ZFHX4: variants seen among roughly 807,000 people sequenced by gnomAD.
ZFHX4 encodes zinc finger homeobox protein 4.
In ZFHX4, 56 loss-of-function variants were observed where a neutral mutation model predicts 267.6. The ratio of observed to expected loss-of-function variants is 0.21; its 90% confidence interval spans 0.17 to 0.26. The LOEUF is 0.26. Among genes scored for constraint, ZFHX4 ranks in the 10% least tolerant of loss-of-function variants. The probability of loss-of-function intolerance (pLI) is 1.00; values close to 1 mark genes in which losing one functional copy is unlikely to be tolerated. For missense variants in ZFHX4, 4,332 were observed against 4,420.0 expected, an observed-to-expected ratio of 0.98 and a Z score of 0.56; for synonymous variants, 1,778 against 1,665.6, an observed-to-expected ratio of 1.07 and a Z score of -1.64.
chr8:76,861,722 T>A (rs1812871972), intron 10 of ZFHX4, among the ~76,000 whole-genome samples: 1 of 152,056 alleles, frequency 6.6e-6, no homozygotes, highest in Admixed American at 6.6e-5. Context: ...TTTTTTATTA[T>A]TTCTTAGCTA....
intron 5 of ZFHX4, among the ~76,000 whole-genome samples, chr8:76,835,491 T>G (rs1310310986): frequency 6.6e-6 from 1 of 151,684 alleles, no homozygotes; most frequent in Non-Finnish European, 1.5e-5. Flanking sequence ...AATGGTATAT[T>G]GGAATACTTA....
At chr8:76,806,170 C>T (rs548949501) in intron 4 of ZFHX4, among the ~76,000 whole-genome samples, 5 of 152,096 alleles carry the variant, frequency 3.3e-5, no homozygotes, top group African/African-American at 4.8e-5. Flanking sequence ...ATCTCCTTTT[C>T]TATCACTGTT....
At chr8:76,712,131 A>G (rs770122509) in intron 3 of ZFHX4, among the ~76,000 whole-genome samples, 124 of 152,208 alleles carry the variant, frequency 8.1e-4, no homozygotes, top group Non-Finnish European at 2.6e-4. Context: ...GACTGAAAGC[A>G]GTGAACAAAT....
chr8:76,837,499 A>G (rs1172087285), intron 5 of ZFHX4, among the ~76,000 whole-genome samples: 1 of 151,958 alleles, frequency 6.6e-6, no homozygotes, highest in East Asian at 1.9e-4. Context: ...AAAAGAAAAA[A>G]AAAAAAAACC....
chr8:76,757,258 T>C (rs1357211487), intron 3 of ZFHX4, among the ~76,000 whole-genome samples: 1 of 152,104 alleles, frequency 6.6e-6, no homozygotes, highest in Non-Finnish European at 1.5e-5. Flanking sequence ...AGAGCTATGA[T>C]AGAGGTATAC....
Position 76,704,936 on chromosome 8 carries a change from G to A in ZFHX4, c.848G>A (p.Cys283Tyr). ...AAACCTGTTTTAATGTGTTTCTTGTGCAAGTTGTCTTTTGGTTATATCAGG... is the reference window on the plus strand; with the variant it reads ...AAACCTGTTTTAATGTGTTTCTTGTACAAGTTGTCTTTTGGTTATATCAGG... The part of the protein sequence containing the change: ...KRKPVLMCFL[C>Y]KLSFGYIRSF... Residue 283 changes from cysteine to tyrosine, a missense_variant, in exon 2 of 11, where the codon TGC becomes TAC. Physicochemically the swap from Cys to Tyr is radical, Grantham distance 194. Coordinates refer to ENST00000651372, the MANE Select transcript of ZFHX4 (RefSeq NM_024721.5). 6.2e-7 allele frequency: 1 copy of A among 1,614,034 alleles called. No homozygotes were observed.
At chr8:76,753,285 A>T (rs1329448844) in intron 3 of ZFHX4, among the ~76,000 whole-genome samples, 1 of 152,188 alleles carries the variant, frequency 6.6e-6, no homozygotes, top group Non-Finnish European at 1.5e-5. Flanking sequence ...GATAAATGAC[A>T]CAAGATGTTG....
chr8:76,832,017 A>G (rs1585989609), intron 4 of ZFHX4, among the ~76,000 whole-genome samples: 2 of 149,410 alleles, frequency 1.3e-5, no homozygotes, highest in East Asian at 2.0e-4. Flanking sequence ...GGGGGCACTG[A>G]GTGTTTATTA....
At chr8:76,723,951 A>G (rs1006440947) in intron 3 of ZFHX4, among the ~76,000 whole-genome samples, 1 of 146,380 alleles carries the variant, frequency 6.8e-6, no homozygotes, top group Non-Finnish European at 1.5e-5. Context: ...ATTGGCTATC[A>G]GGTATAGAAA....
intron 4 of ZFHX4, among the ~76,000 whole-genome samples, chr8:76,822,573 C>G (rs1811680736): frequency 6.7e-6 from 1 of 149,926 alleles, no homozygotes; most frequent in African/African-American, 2.5e-5. Flanking sequence ...CTGAGTAACT[C>G]GGACTACAGG....
chr8:76,779,248 T>TA (rs1033609495), intron 4 of ZFHX4, among the ~76,000 whole-genome samples: 31 of 152,344 alleles, frequency 2.0e-4, no homozygotes, highest in African/African-American at 7.2e-4. Context: ...ATTATGTATT[T>TA]AAAAAGTCCG....
intron 3 of ZFHX4, among the ~76,000 whole-genome samples, chr8:76,743,567 A>G (rs1809377380): frequency 6.6e-6 from 1 of 152,202 alleles, no homozygotes; most frequent in Non-Finnish European, 1.5e-5. Flanking sequence ...GAGTCCATGA[A>G]GGCCAAATGA....
intron 1 of ZFHX4, among the ~76,000 whole-genome samples, chr8:76,702,247 T>C (rs957431340): frequency 1.6e-4 from 24 of 152,166 alleles, no homozygotes; most frequent in African/African-American, 5.8e-4. Flanking sequence ...GCAATTAGAA[T>C]GTCAGATACC....
chr8:76,690,549 G>A (rs1369809024), intron 1 of ZFHX4, among the ~76,000 whole-genome samples: 1 of 151,956 alleles, frequency 6.6e-6, no homozygotes, highest in Non-Finnish European at 1.5e-5. Context: ...CAAAAATATA[G>A]TGCTTAGTAG....
chr8:76,699,093 G>A (rs1808034331), intron 1 of ZFHX4, among the ~76,000 whole-genome samples: 1 of 152,142 alleles, frequency 6.6e-6, no homozygotes, highest in South Asian at 2.1e-4. Flanking sequence ...AGTGTTTCCA[G>A]ATTGCCAGCA....
Position 76,705,087 on chromosome 8 carries a change from A to C in ZFHX4, c.999A>C (p.Ile333=), listed in dbSNP as rs1808213994. 6.2e-7 allele frequency: 1 copy of C among 1,613,782 alleles called. No individual in the cohort carries two copies. Among genetic ancestry groups the C allele is most frequent in the African/African-American group, 1.3e-5 (1 of 74,904 alleles). ...TTGGCAAAGACAAAGAACCTCTTAT[A>C]AGCTTTCTGGAACCAAAAAAATCCA... is the stretch of plus-strand genomic sequence containing the variant. ...QGIGKDKEPL[I]SFLEPKKSTS... The change falls in exon 2 of 11, where the codon ATA becomes ATC. Residue 333 remains isoleucine, a synonymous_variant. Transcript: ENST00000651372.
intron 4 of ZFHX4, among the ~76,000 whole-genome samples, chr8:76,793,392 A>T (rs549434410): frequency 1.3e-5 from 2 of 152,356 alleles, no homozygotes; most frequent in South Asian, 4.1e-4. Context: ...GATTTTTCAA[A>T]TGCAAGGACA....
At chr8:76,783,785 C>G (rs959950072) in intron 4 of ZFHX4, among the ~76,000 whole-genome samples, 1 of 151,950 alleles carries the variant, frequency 6.6e-6, no homozygotes, top group African/African-American at 2.4e-5. Flanking sequence ...AATGACTTTT[C>G]TTCTCTAACC....
In ZFHX4 at chr8:76,866,815, A is replaced by G. The variant is rs766090572; in HGVS notation, c.*2250A>G. ...CAAAAAAAGAAAAAAAAAAGAAAAA[A>G]AACTTTAACTGGATGGACGTTGTTA... On this transcript the variant is annotated 3_prime_UTR_variant, in exon 11 of 11. Transcript: ENST00000651372. The G allele has an allele frequency of 1.9e-3, 285 of 152,274 alleles. 4 individuals are homozygous for G. The highest frequency in any genetic ancestry group is 1.3e-3 in the Non-Finnish European group (85 of 67,924). 9.4% of individuals were successfully genotyped at this position (152,274 alleles called of 1,614,324 possible).
Sources: allele counts gnomAD v4.1 joint callset (sites outside exome capture counted in the v4.1 genomes callset), GRCh38; gene constraint gnomAD v4.1.1; transcripts MANE v1.5; gene names NCBI Gene and HGNC (gene_info 2026-07-23, HGNC 2026-07-21).